Variants in PXK observed in about 807,000 individuals in gnomAD.
PXK encodes PX domain-containing protein kinase-like protein.
PXK carries 35 observed loss-of-function variants against 84.7 expected under a neutral mutation model. The observed-to-expected ratio is 0.41, with a 90% confidence interval of 0.32 to 0.55. The LOEUF (loss-of-function observed/expected upper bound fraction) is 0.55, where lower values mean the gene tolerates loss of function less well. Among genes scored for constraint, PXK ranks in the 20% least tolerant of loss-of-function variants. PXK has a pLI of 0.21. For synonymous variants in PXK, 253 were observed against 260.8 expected (o/e 0.97, Z 0.29); for missense variants, 634 against 699.7 (o/e 0.91, Z 1.06).
intron 1 of PXK, among the ~76,000 whole-genome samples, chr3:58,355,388 G>A (rs1196279136): frequency 2.0e-5 from 3 of 152,194 alleles, no homozygotes; most frequent in Non-Finnish European, 4.4e-5. Context: ...TGATAGCTGT[G>A]CCGAAAGGGA....
Position 58,364,366 on chromosome 3 carries a change from A to G in PXK, c.103-1508A>G, listed in dbSNP as rs2098237763. ...TCCAGTGAAACCATTGGGCCTTGAT[A>G]CATATTTGGCGGGGGGAGGGGAGCG... is the stretch of plus-strand genomic sequence containing the variant. On this transcript the variant is annotated intron_variant, in intron 1 of 17. Transcript: ENST00000356151. The surrounding 1 kb of genome is among the most constrained non-coding windows in gnomAD (Gnocchi z 4.3). Among the ~76,000 whole-genome samples, 1 of 152,126 alleles carries G rather than the reference A, an allele frequency of 6.6e-6. No individual in the cohort carries two copies. Among genetic ancestry groups the G allele is most frequent in the Non-Finnish European group, 1.5e-5 (1 of 68,024 alleles).
chr3:58,408,108 C>G (rs965488309), intron 13 of PXK, among the ~76,000 whole-genome samples: 1 of 152,198 alleles, frequency 6.6e-6, no homozygotes, highest in Non-Finnish European at 1.5e-5. Flanking sequence ...ATTTTCCCAG[C>G]ACTGTTATTG....
intron 3 of PXK, among the ~76,000 whole-genome samples, chr3:58,378,779 G>A (rs1195231284): frequency 2.6e-5 from 4 of 151,678 alleles, no homozygotes; most frequent in Admixed American, 1.3e-4. Context: ...CAGGTGATTC[G>A]CCTGCCTCGG....
chr3:58,349,939 C>G (rs989358961), intron 1 of PXK, among the ~76,000 whole-genome samples: 1 of 152,198 alleles, frequency 6.6e-6, no homozygotes, highest in Non-Finnish European at 1.5e-5. Flanking sequence ...TTTGTGACTA[C>G]TGAGTCCCAG....
At chr3:58,344,974 G>A (rs568845208) in intron 1 of PXK, among the ~76,000 whole-genome samples, 1 of 152,212 alleles carries the variant, frequency 6.6e-6, no homozygotes, top group East Asian at 1.9e-4. Flanking sequence ...ATCCCTAAAG[G>A]GGTTCCAACA....
chr3:58,370,859 T>TGTG lies in PXK; in HGVS notation c.201+1385_201+1387dup, dbSNP rs71625618. 0.074 allele frequency among the ~76,000 whole-genome samples: 11,292 copies of TGTG among 151,880 alleles called. 529 individuals carry two copies. The highest frequency in any genetic ancestry group is 0.1 in the South Asian group (487 of 4,790). On this transcript the variant is annotated intron_variant, in intron 3 of 17. Coordinates refer to ENST00000356151, the MANE Select transcript of PXK (RefSeq NM_017771.5). This position sits in a 1 kb window ranked among gnomAD's most constrained non-coding sequence, Gnocchi z 4.2. ...ACTAAAAATACAAAAATTAGCTGGG[T>TGTG]GTGGTGTGGGCGCCTGTAATCCCAG...
chr3:58,371,480 C>T (rs540851561), intron 3 of PXK, among the ~76,000 whole-genome samples: 3 of 152,290 alleles, frequency 2.0e-5, no homozygotes, highest in Non-Finnish European at 2.9e-5. Flanking sequence ...TATGCTCAAG[C>T]GAACCTTTGC....
intron 13 of PXK, among the ~76,000 whole-genome samples, chr3:58,405,982 C>A (rs116661282): frequency 0.019 from 2,766 of 146,974 alleles, 84 homozygotes; most frequent in African/African-American, 0.068. Context: ...ATTTTTTTTT[C>A]TTTTGAGACG....
intron 7 of PXK, 86 bp downstream of exon 7, chr3:58,391,933 A>G: frequency 1.6e-6 from 2 of 1,246,276 alleles, no homozygotes; most frequent in Non-Finnish European, 2.3e-6. Flanking sequence ...AAAAGCTGGA[A>G]AACAGAATGG....
chr3:58,424,334 C>T (rs1189254681), intron 17 of PXK, among the ~76,000 whole-genome samples: 1 of 152,194 alleles, frequency 6.6e-6, no homozygotes, highest in East Asian at 1.9e-4. Flanking sequence ...GGAAGCCCAA[C>T]TCCATCATGC....
intron 17 of PXK, among the ~76,000 whole-genome samples, chr3:58,423,820 TCTGTC>T (rs1244653154): frequency 1.3e-5 from 2 of 152,192 alleles, no homozygotes; most frequent in Non-Finnish European, 2.9e-5. Flanking sequence ...GGGTGTTTAT[TCTGTC>T]CTGAGAGAAC....
At chr3:58,402,975 T>A (rs2058827528) in intron 12 of PXK, among the ~76,000 whole-genome samples, 1 of 151,654 alleles carries the variant, frequency 6.6e-6, no homozygotes, top group South Asian at 2.1e-4. Flanking sequence ...ATAGACCCGG[T>A]GTCTGTTGTT....
chr3:58,405,714 G>A (rs2059295865), intron 13 of PXK, among the ~76,000 whole-genome samples: 1 of 151,006 alleles, frequency 6.6e-6, no homozygotes, highest in South Asian at 2.1e-4. Context: ...GGAGGCAGAG[G>A]TTGCAGTGAG....
chr3:58,393,974 T>C (rs781456084), intron 7 of PXK, among the ~76,000 whole-genome samples: 3 of 152,224 alleles, frequency 2.0e-5, no homozygotes, highest in Non-Finnish European at 4.4e-5. Context: ...ATAATTAGAT[T>C]GTATGATGGT....
Position 58,412,316 on chromosome 3 carries a change from C to T in PXK, c.1466-585C>T, listed in dbSNP as rs2060321962. On this transcript the variant is annotated intron_variant, in intron 16 of 17. Coordinates refer to ENST00000356151, the MANE Select transcript of PXK (RefSeq NM_017771.5). This position sits in a 1 kb window ranked among gnomAD's most constrained non-coding sequence, Gnocchi z 6.2. ...GGTTACTAGATCCAGAAAAAGCATG[C>T]AACAGGTGGGATTCACATTGTTTTA... Among the ~76,000 whole-genome samples the T allele has an allele frequency of 6.6e-6, 1 of 151,882 alleles. No homozygotes were observed. Among genetic ancestry groups the T allele is most frequent in the African/African-American group, 2.4e-5 (1 of 41,334 alleles).
chr3:58,340,477 A>G (rs1231364167), intron 1 of PXK, among the ~76,000 whole-genome samples: 2 of 151,012 alleles, frequency 1.3e-5, no homozygotes, highest in Non-Finnish European at 3.0e-5. Context: ...CTGTAATCCC[A>G]GCACTTTGGG....
Position 58,407,357 on chromosome 3 carries a change from A to G in PXK, c.1231-1567A>G, listed in dbSNP as rs747665767. 2.6e-5 allele frequency among the ~76,000 whole-genome samples: 4 copies of G among 152,072 alleles called. No homozygotes were observed. The highest frequency in any genetic ancestry group is 5.9e-5 in the Non-Finnish European group (4 of 68,010). On this transcript the variant is annotated intron_variant, in intron 13 of 17. Transcript: ENST00000356151. The surrounding 1 kb of genome is among the most constrained non-coding windows in gnomAD (Gnocchi z 4.3). ...TTTTGGCCATTTGTATATTTTCTTTAGAGAAATGTCTATGTCTTTTGCCTC... is the reference window on the plus strand; with the variant it reads ...TTTTGGCCATTTGTATATTTTCTTTGGAGAAATGTCTATGTCTTTTGCCTC...
At chr3:58,420,332 G>A (rs950223706) in intron 17 of PXK, among the ~76,000 whole-genome samples, 6 of 152,220 alleles carry the variant, frequency 3.9e-5, no homozygotes, top group African/African-American at 1.2e-4. Context: ...CTATAAATAC[G>A]TTTGCCATGT....
intron 1 of PXK, among the ~76,000 whole-genome samples, chr3:58,351,118 G>GA (rs1191466179): frequency 6.6e-6 from 1 of 151,962 alleles, no homozygotes; most frequent in Non-Finnish European, 1.5e-5. Context: ...CTTGTCAAAG[G>GA]AAAAAAGGTG....
Sources: gnomAD v4.1 joint callset for allele counts (sites outside exome capture counted in the v4.1 genomes callset) on GRCh38, gnomAD v4.1.1 for gene constraint, Gnocchi (gnomAD v3.1) non-coding constraint, MANE v1.5 for transcripts, NCBI Gene and HGNC (gene_info 2026-07-23, HGNC 2026-07-21) for gene names.